The following DNASE1L1 variants were observed in gnomAD, a reference collection of about 807,000 sequenced individuals.
DNASE1L1 encodes deoxyribonuclease-1-like 1.
DNASE1L1 carries 8 observed loss-of-function variants against 18.6 expected under a neutral mutation model. That is an observed-to-expected ratio of 0.43 (90% CI 0.25 to 0.78). The LOEUF (loss-of-function observed/expected upper bound fraction) is 0.78, where lower values mean the gene tolerates loss of function less well. DNASE1L1 is among the 30% of genes least tolerant of loss of function. The probability of loss-of-function intolerance (pLI) is 0.23; values close to 1 mark genes in which losing one functional copy is unlikely to be tolerated. For synonymous variants in DNASE1L1, 114 were observed against 114.2 expected, an observed-to-expected ratio of 1.00 and a Z score of 0.01; for missense variants, 214 against 258.2, an observed-to-expected ratio of 0.83 and a Z score of 1.17.
rs781860370 is a variant in DNASE1L1, at chrX:154,402,676, G to A, written c.*31C>T. The stretch of plus-strand genomic sequence containing the variant: ...GGAGGCTGGGGTTTAAGTCCCAAAA[G>A]GCAGCAGGCCCTGGGGGGGTAGGGG... On this transcript the variant is annotated 3_prime_UTR_variant, in exon 8 of 8. Coordinates refer to ENST00000369807, the MANE Select transcript of DNASE1L1 (RefSeq NM_001303620.2). 5 of 1,185,590 alleles carry A rather than the reference G, an allele frequency of 4.2e-6. No individual in the cohort carries two copies. The Admixed American group carries it at 9.3e-5, about 22-fold the overall frequency.
chrX:154,402,859 G>C lies in DNASE1L1; in HGVS notation c.775-18C>G. On this transcript the variant is annotated intron_variant, in intron 7 of 7. Transcript: ENST00000369807. ...TTGAGGGCCTGGGAATGGGTGGTGG[G>C]GCAGTGTCAGTGCCCGGGGCCGAGG... 8.3e-7 allele frequency: 1 copy of C among 1,206,367 alleles called. No homozygotes were observed. The highest frequency in any genetic ancestry group is 1.1e-6 in the Non-Finnish European group (1 of 891,764).
At chrX:154,409,380 C>A, upstream of DNASE1L1, 1 of 209,568 alleles carries the variant, frequency 4.8e-6, no homozygotes. Context: ...CCTTCCCACC[C>A]AGACCCCGCC....
In DNASE1L1 at chrX:154,403,577, C is replaced by T. The variant is rs369224739; in HGVS notation, c.357G>A (p.Glu119=). 2.5e-6 allele frequency: 3 copies of T among 1,210,583 alleles called. No homozygotes were observed. Among genetic ancestry groups the T allele is most frequent in the African/African-American group, 1.7e-5 (1 of 57,359 alleles). ...QVLSSYVYND[E]DDVFAREPFV... ...ATGGCTCCCGGGCAAAGACGTCATCCTCATCGTTGTACACGTAGGAACTCA... is the reference window on the plus strand; with the variant it reads ...ATGGCTCCCGGGCAAAGACGTCATCTTCATCGTTGTACACGTAGGAACTCA... Residue 119 remains glutamate, a synonymous_variant, in exon 5 of 8, where the codon GAG becomes GAA. Transcript: ENST00000369807.
chrX:154,404,727 C>G, intron 4 of DNASE1L1, 101 bp downstream of exon 4: 1 of 795,286 alleles, frequency 1.3e-6, no homozygotes, highest in Non-Finnish European at 1.8e-6. Flanking sequence ...GTGAGGCTGT[C>G]CCAGGATGGG....
intron 4 of DNASE1L1, 28 bp from the exon 5 acceptor site, chrX:154,403,650 T>C: frequency 8.5e-7 from 1 of 1,173,498 alleles, no homozygotes. Context: ...TGGGCAGCAG[T>C]GGCCCCACGT....
At position 154,403,357 on chromosome X, in the gene DNASE1L1, G is replaced by A. The variant is rs1557187520; in HGVS notation, c.437C>T (p.Pro146Leu). ...SNVLPSLVLV[P>L]LHTTPKAVEK... is the part of the protein sequence containing the mutation. ...TACGGCCTTAGGAGTGGTGTGCAGC[G>A]GGACCAACACCAGGCTGGGAAGGAC... The change falls in exon 6 of 8, where the codon CCG becomes CTG. Residue 146 changes from proline (P) to leucine (L), a missense_variant. Physicochemically the swap from Pro to Leu is moderately conservative, Grantham distance 98. Transcript: ENST00000369807. 4.1e-6 allele frequency: 5 copies of A among 1,211,418 alleles called. No homozygotes were observed. Among genetic ancestry groups the A allele is most frequent in the Admixed American group, 2.2e-5 (1 of 46,043 alleles).
intron 4 of DNASE1L1, among the ~76,000 whole-genome samples, chrX:154,404,020 C>T (rs1262263918): frequency 9.1e-6 from 1 of 110,238 alleles, no homozygotes; most frequent in Middle Eastern, 4.2e-3. Context: ...ATGAAATCAG[C>T]TCATCAATGT....
chrX:154,411,790 C>A, upstream of DNASE1L1: 1 of 1,087,105 alleles, frequency 9.2e-7, no homozygotes, highest in Non-Finnish European at 1.2e-6. Flanking sequence ...GACCTAGAGG[C>A]GCCCCACAGG....
Position 154,404,849 on chromosome X carries a change from T to C in DNASE1L1, c.290A>G (p.Glu97Gly). 1.7e-6 allele frequency: 2 copies of C among 1,211,144 alleles called. No individual in the cohort carries two copies. Among genetic ancestry groups the C allele is most frequent in the Non-Finnish European group, 2.2e-6 (2 of 895,247 alleles). The part of the protein sequence containing the change: ...SPQLGRSTYM[E>G]TYVYFYRSHK... ...TCACCGATAGAAGTACACATACGTC[T>C]CCATGTAGGTGCTGCGCCCCAGCTG... Residue 97 changes from glutamate to glycine, a missense_variant, in exon 4 of 8, where the codon GAG becomes GGG. By Grantham distance (98) the Glu-to-Gly change is moderately conservative. Coordinates refer to ENST00000369807, the MANE Select transcript of DNASE1L1 (RefSeq NM_001303620.2).
Position 154,401,340 on chromosome X carries a change from AATC to A in DNASE1L1, c.*1364_*1366del, listed in dbSNP as rs1251905421. 3 of 185,845 alleles carry A rather than the reference AATC, an allele frequency of 1.6e-5. No homozygotes were observed. The highest frequency in any genetic ancestry group is 3.0e-5 in the Non-Finnish European group (3 of 99,409). The allele number at this position is 185,845 out of a possible 1,213,427, so 15.3% of individuals were successfully genotyped here. On this transcript the variant is annotated 3_prime_UTR_variant, in exon 8 of 8. Transcript: ENST00000369807. ...GGTTTGGCCATTCCTCCTTGGTGGG[AATC>A]ATCCAGGTACTGCTGAGGTCACCTG...
upstream of DNASE1L1, among the ~76,000 whole-genome samples, chrX:154,410,714 CA>C (rs782211946): frequency 0.016 from 1,371 of 84,102 alleles, 10 homozygotes; most frequent in Non-Finnish European, 0.021. Flanking sequence ...TACTAAAATA[CA>C]AAAAAAAAAA....
chrX:154,404,150 T>C (rs1557187814), intron 4 of DNASE1L1, among the ~76,000 whole-genome samples: 2 of 92,412 alleles, frequency 2.2e-5, no homozygotes, highest in Non-Finnish European at 4.3e-5. Flanking sequence ...TGTCATTCTT[T>C]TTTTTTTTTT....
chrX:154,411,407 G>C (rs1481994418), upstream of DNASE1L1: 8 of 198,847 alleles, frequency 4.0e-5, no homozygotes, highest in Non-Finnish European at 1.9e-5. Context: ...GGCGAGCGCA[G>C]GAGGCTGCCA....
At chrX:154,404,491 G>A (rs2068110988) in intron 4 of DNASE1L1, among the ~76,000 whole-genome samples, 1 of 112,186 alleles carries the variant, frequency 8.9e-6, no homozygotes, top group Non-Finnish European at 1.9e-5. Context: ...CCCATAAGTG[G>A]TCCCCACGGA....
At chrX:154,405,741 C>T in intron 1 of DNASE1L1, 86 bp from the exon 2 acceptor site, 1 of 372,870 alleles carries the variant, frequency 2.7e-6, no homozygotes, top group African/African-American at 2.6e-5. Context: ...CACTGCACTC[C>T]AGCCTGGGTG....
intron 3 of DNASE1L1, 26 bp from the exon 4 acceptor site, chrX:154,404,940 C>A: frequency 8.3e-7 from 1 of 1,207,460 alleles, no homozygotes; most frequent in African/African-American, 1.7e-5. Flanking sequence ...GAGGCGGGGT[C>A]AGGGCCTCAA....
intron 1 of DNASE1L1, 38 bp from the exon 2 acceptor site, chrX:154,405,693 C>G (rs2068136334): frequency 1.4e-6 from 1 of 714,605 alleles, no homozygotes; most frequent in African/African-American, 2.3e-5. Flanking sequence ...CTAGCTGCTG[C>G]CCAGCACCAG....
upstream of DNASE1L1, among the ~76,000 whole-genome samples, chrX:154,410,745 G>A (rs1365313309): frequency 9.3e-6 from 1 of 107,745 alleles, no homozygotes; most frequent in African/African-American, 3.4e-5. Flanking sequence ...CGGGCGTGGC[G>A]ACCTGCGCCT....
In DNASE1L1 at chrX:154,403,192, T is replaced by C; in HGVS notation, c.526-2A>G. 8.3e-7 allele frequency: 1 copy of C among 1,210,611 alleles called. No individual in the cohort carries two copies. Among genetic ancestry groups the C allele is most frequent in the Non-Finnish European group, 1.1e-6 (1 of 894,597 alleles). ...GAAGTCCCCAAGCAGGATCACGTCC[T>C]AGAGACACAGCAGCCATCAGGCTGG... On this transcript the variant is annotated splice_acceptor_variant, in intron 6 of 7. Transcript: ENST00000369807. LOFTEE classifies it high-confidence loss of function.
Sources: allele counts gnomAD v4.1 joint callset (sites outside exome capture counted in the v4.1 genomes callset), GRCh38; gene constraint gnomAD v4.1.1; transcripts MANE v1.5; gene names NCBI Gene and HGNC (gene_info 2026-07-23, HGNC 2026-07-21).